Variants in DISP1 observed in about 807,000 individuals in gnomAD.
The protein encoded by DISP1 is protein dispatched homolog 1.
A neutral mutation model predicts 37.3 loss-of-function variants in DISP1; 30 were observed. The ratio of observed to expected loss-of-function variants is 0.80; its 90% CI spans 0.60 to 1.09. DISP1 has a LOEUF of 1.09. DISP1 is among the 50% of genes least tolerant of loss of function. The pLI is 0.00. For missense variants in DISP1, 1,598 were observed against 1,879.5 expected, an observed-to-expected ratio of 0.85 and a Z score of 2.77; for synonymous variants, 634 against 690.2, an observed-to-expected ratio of 0.92 and a Z score of 1.28.
In DISP1 at chr1:223,003,184, C is replaced by T. The variant is rs1387410122; in HGVS notation, c.1787C>T (p.Thr596Ile). The change falls in exon 9 of 9, where the codon ACA becomes ATA. Residue 596 changes from threonine (T) to isoleucine (I), a missense_variant. Thr to Ile is a moderately conservative substitution (Grantham distance 89, BLOSUM62 -1). Transcript: ENST00000675850. The surrounding 1 kb of genome is among the most constrained non-coding windows in gnomAD (Gnocchi z 4.3). Reference protein sequence around the residue: ...FDKPHAETSETVSITLQHAAL... With the variant: ...FDKPHAETSEIVSITLQHAAL... ...AAGCCTCATGCCGAAACCTCAGAAA[C>T]AGTAAGCATCACCTTGCAGCACGCT... is the stretch of plus-strand genomic sequence containing the variant. 6 of 1,614,224 alleles carry T rather than the reference C, an allele frequency of 3.7e-6. No homozygotes were observed. The South Asian group carries it at 6.6e-5, about 18-fold the overall frequency.
intron 2 of DISP1, among the ~76,000 whole-genome samples, chr1:222,932,364 G>C (rs983019290): frequency 1.3e-5 from 2 of 151,914 alleles, no homozygotes; most frequent in Non-Finnish European, 2.9e-5. Context: ...TGTGCAGCCA[G>C]AGATGAGACT....
chr1:222,888,478 A>G (rs1670763011), intron 1 of DISP1, among the ~76,000 whole-genome samples: 1 of 152,276 alleles, frequency 6.6e-6, no homozygotes, highest in African/African-American at 2.4e-5. Flanking sequence ...AAAAAGGGTA[A>G]AAAGTTTTAC....
chr1:222,818,981 AC>A (rs1662000948), intron 1 of DISP1, among the ~76,000 whole-genome samples: 1 of 152,178 alleles, frequency 6.6e-6, no homozygotes, highest in Admixed American at 6.5e-5. Flanking sequence ...CTGTGTCCCC[AC>A]CCAAATCTCA....
At chr1:222,944,453 G>C (rs370309068) in intron 3 of DISP1, among the ~76,000 whole-genome samples, 3 of 47,054 alleles carry the variant, frequency 6.4e-5, no homozygotes, top group African/African-American at 3.4e-4. Context: ...GTAATAAAAA[G>C]TTTAACTAGA....
At chr1:222,915,111 T>C (rs1672424232) in intron 1 of DISP1, among the ~76,000 whole-genome samples, 1 of 152,194 alleles carries the variant, frequency 6.6e-6, no homozygotes, top group Non-Finnish European at 1.5e-5. Context: ...CTGTTGTCAG[T>C]GTATCAGTAT....
At chr1:222,924,558 A>G (rs941951549) in intron 1 of DISP1, among the ~76,000 whole-genome samples, 1 of 152,132 alleles carries the variant, frequency 6.6e-6, no homozygotes, top group Admixed American at 6.6e-5. Context: ...GTATGGAACT[A>G]TTTGTACTCT....
chr1:222,935,326 G>A (rs1673654083), intron 2 of DISP1, among the ~76,000 whole-genome samples: 1 of 152,174 alleles, frequency 6.6e-6, no homozygotes, highest in Non-Finnish European at 1.5e-5. Context: ...TTATTCTTAA[G>A]TTTGGTATTA....
Position 222,893,968 on chromosome 1 carries a change from A to G in DISP1, c.-158-34462A>G, listed in dbSNP as rs1671089611. Among the ~76,000 whole-genome samples the G allele has an allele frequency of 6.6e-6, 1 of 152,088 alleles. No homozygotes were observed. The highest frequency in any genetic ancestry group is 2.1e-4 in the South Asian group (1 of 4,820). On this transcript the variant is annotated intron_variant, in intron 1 of 8. Transcript: ENST00000675850. This position sits in a 1 kb window ranked among gnomAD's most constrained non-coding sequence, Gnocchi z 4.3. ...TGAGTGGCAGAACAGTTCTCAGGAG[A>G]CCCGAAGTGGGTAGCTCCCTCCCGC...
intron 1 of DISP1, among the ~76,000 whole-genome samples, chr1:222,879,651 G>A (rs920747918): frequency 1.3e-5 from 2 of 152,068 alleles, no homozygotes; most frequent in Non-Finnish European, 2.9e-5. Flanking sequence ...TAATACTGTA[G>A]GTGGGTGAAG....
At position 222,954,028 on chromosome 1, in the gene DISP1, G is replaced by A. The variant is rs544688659; in HGVS notation, c.509+10696G>A. On this transcript the variant is annotated intron_variant, in intron 3 of 8. Transcript: ENST00000675850. ...TTTCCATATTCGTGCTAGTTATTTAGCAGATACTGGAGAGTAAAGGGGAAA... is the reference window on the plus strand; with the variant it reads ...TTTCCATATTCGTGCTAGTTATTTAACAGATACTGGAGAGTAAAGGGGAAA... 3.3e-5 allele frequency among the ~76,000 whole-genome samples: 5 copies of A among 151,716 alleles called. No individual in the cohort carries two copies. In the South Asian group the frequency reaches 1.0e-3, roughly 32 times the overall value.
chr1:222,962,200 T>G (rs1245776419), intron 3 of DISP1, among the ~76,000 whole-genome samples: 2 of 151,828 alleles, frequency 1.3e-5, no homozygotes, highest in African/African-American at 4.8e-5. Context: ...ACAAAAAGAA[T>G]AAATACCTTG....
chr1:222,942,806 G>T lies in DISP1; in HGVS notation c.-17-1G>T. 1 of 1,614,052 alleles carries T rather than the reference G, an allele frequency of 6.2e-7. No homozygotes were observed. The highest frequency in any genetic ancestry group is 1.1e-5 in the South Asian group (1 of 91,060). On this transcript the variant is annotated splice_acceptor_variant, in intron 2 of 8. Transcript: ENST00000675850. LOFTEE classifies it low-confidence loss of function (5UTR_SPLICE). ...GGCGATTTTATGATTTTCTTACTTA[G>T]AGTCAAGAAATTGGAGCATGGCTAT...
rs183285778 is a variant in DISP1 at position 222,825,969 on chromosome 1, A to G, written c.-159+10891A>G. 4.8e-4 allele frequency among the ~76,000 whole-genome samples: 73 copies of G among 152,324 alleles called. 1 individual carries two copies. Among genetic ancestry groups the G allele is most frequent in the Admixed American group, 4.2e-3 (64 of 15,308 alleles). The stretch of plus-strand genomic sequence containing the variant: ...CAGACTGGAGTGCAGTGGTGAGATC[A>G]TAGCCCACTACAGCCTTGACTTCCT... On this transcript the variant is annotated intron_variant, in intron 1 of 8. Coordinates refer to ENST00000675850, the MANE Select transcript of DISP1 (RefSeq NM_001377229.1).
chr1:222,880,769 A>G (rs1192622473), intron 1 of DISP1, among the ~76,000 whole-genome samples: 1 of 152,222 alleles, frequency 6.6e-6, no homozygotes, highest in African/African-American at 2.4e-5. Flanking sequence ...ATCTTAAAAT[A>G]AAATGTCTGG....
chr1:222,843,975 T>C (rs1477723094), intron 1 of DISP1, among the ~76,000 whole-genome samples: 1 of 152,146 alleles, frequency 6.6e-6, no homozygotes, highest in Non-Finnish European at 1.5e-5. Context: ...AAGGCACCCA[T>C]GGAATTACGA....
At chr1:222,968,830 G>A (rs1558058617) in intron 3 of DISP1, among the ~76,000 whole-genome samples, 1 of 152,096 alleles carries the variant, frequency 6.6e-6, no homozygotes, top group Non-Finnish European at 1.5e-5. Context: ...CTACTTGGGA[G>A]TCTGAGGCAG....
chr1:222,923,099 C>T (rs1572517567), intron 1 of DISP1, among the ~76,000 whole-genome samples: 1 of 152,222 alleles, frequency 6.6e-6, no homozygotes, highest in East Asian at 1.9e-4. Flanking sequence ...AGCCTGAGGA[C>T]TAGCAGGCCA....
intron 1 of DISP1, among the ~76,000 whole-genome samples, chr1:222,920,600 G>T (rs556785180): frequency 6.6e-6 from 1 of 152,042 alleles, no homozygotes; most frequent in Non-Finnish European, 1.5e-5. Context: ...TGTGAAATCC[G>T]CAATAAACTA....
At chr1:222,991,680 G>C in intron 6 of DISP1, 33 bp downstream of exon 6, 1 of 1,595,162 alleles carries the variant, frequency 6.3e-7, no homozygotes, top group Non-Finnish European at 8.6e-7. Context: ...ATAACTTTTA[G>C]ACAAAACATT....
Sources: allele counts gnomAD v4.1 joint callset (sites outside exome capture counted in the v4.1 genomes callset), GRCh38; gene constraint gnomAD v4.1.1; non-coding constraint Gnocchi (gnomAD v3.1); transcripts MANE v1.5; gene names NCBI Gene and HGNC (gene_info 2026-07-23, HGNC 2026-07-21).